MLLT6: variants seen among roughly 807,000 people sequenced by gnomAD.
MLLT6 encodes MLLT6, PHD finger containing, also known as protein AF-17.
MLLT6 carries 22 observed loss-of-function variants against 103.0 expected under a neutral mutation model. The observed-to-expected ratio is 0.21, with a 90% CI of 0.15 to 0.31. The LOEUF is 0.31. Among genes scored for constraint, MLLT6 ranks in the 10% least tolerant of loss-of-function variants. MLLT6 has a pLI of 1.00. For synonymous variants in MLLT6, 606 were observed against 623.5 expected, an observed-to-expected ratio of 0.97 and a Z score of 0.42; for missense variants, 1,199 against 1,441.7, an observed-to-expected ratio of 0.83 and a Z score of 2.73.
chr17:38,714,093 G>T (rs1905234825), intron 8 of MLLT6: 1 of 152,170 alleles, frequency 6.6e-6, no homozygotes, highest in African/African-American at 2.4e-5. Context: ...GAGATGGAGG[G>T]GCATATGGAG....
In MLLT6 at chr17:38,724,053, T is replaced by C. The variant is rs1375993170; in HGVS notation, c.2884-567T>C. Among the ~76,000 whole-genome samples, 1 of 152,094 alleles carries C rather than the reference T, an allele frequency of 6.6e-6. No homozygotes were observed. Among genetic ancestry groups the C allele is most frequent in the Non-Finnish European group, 1.5e-5 (1 of 68,016 alleles). ...CCACCGTGTCCGGCGAATTGAAAAC[T>C]ATTGACCTAGTCAGTAGTTTTGGCG... is the stretch of plus-strand genomic sequence containing the variant. On this transcript the variant is annotated intron_variant, in intron 18 of 19. Transcript: ENST00000621332. This position sits in a 1 kb window ranked among gnomAD's most constrained non-coding sequence, Gnocchi z 5.4.
Position 38,726,498 on chromosome 17 carries a change from A to G in MLLT6, c.*900A>G, listed in dbSNP as rs925679827. On this transcript the variant is annotated 3_prime_UTR_variant, in exon 20 of 20. Transcript: ENST00000621332. The stretch of plus-strand genomic sequence containing the variant: ...AGCAGCGCCAGAGAGGGGACCTCCC[A>G]GCTCTTATTTGCACCCTCCCCACCT... The G allele has an allele frequency of 4.3e-5, 10 of 233,606 alleles. No individual in the cohort carries two copies. The highest frequency in any genetic ancestry group is 1.8e-4 in the South Asian group (1 of 5,536). 14.5% of individuals were successfully genotyped at this position (233,606 alleles called of 1,614,324 possible).
At position 38,725,689 on chromosome 17, in the gene MLLT6, C is replaced by T. The variant is rs1317552189; in HGVS notation, c.*91C>T. ...CCTGGAGCAGGCGCCTGCGCCCAGA[C>T]CCTGGAGAGCCTTGACCCAGAGCCT... On this transcript the variant is annotated 3_prime_UTR_variant, in exon 20 of 20. Coordinates refer to ENST00000621332, the MANE Select transcript of MLLT6 (RefSeq NM_005937.4). 1.7e-5 allele frequency: 19 copies of T among 1,123,562 alleles called. No individual in the cohort carries two copies. In the East Asian group the frequency reaches 4.7e-4, roughly 28 times the overall value. The allele number at this position is 1,123,562 out of a possible 1,614,324, so 69.6% of individuals were successfully genotyped here.
intron 1 of MLLT6, chr17:38,706,168 A>C (rs1904916472): frequency 6.6e-6 from 1 of 151,854 alleles, no homozygotes; most frequent in South Asian, 2.1e-4. Context: ...GGACTTGGAA[A>C]GGGAAGAGAA....
rs778858232 is a variant in MLLT6 at position 38,719,740 on chromosome 17, C to T, written c.2010-10C>T. ...CGGGTCGACTGAACCCAGGTTCCCT[C>T]TGGCCGCAGGTCCCCCATCAGCAGC... On this transcript the variant is annotated splice_polypyrimidine_tract_variant and intron_variant, in intron 13 of 19. Transcript: ENST00000621332. The T allele has an allele frequency of 6.2e-7, 1 of 1,604,840 alleles. No homozygotes were observed. The highest frequency in any genetic ancestry group is 8.5e-7 in the Non-Finnish European group (1 of 1,174,060).
At chr17:38,719,699 A>AG (rs1365090472) in intron 13 of MLLT6, 51 bp from the exon 14 acceptor site, 20 of 1,584,916 alleles carry the variant, frequency 1.3e-5, no homozygotes, top group Non-Finnish European at 1.7e-5. Flanking sequence ...GAAGGGCCAG[A>AG]GGAGCCTGGA....
chr17:38,724,876 C>T lies in MLLT6; in HGVS notation c.3140C>T (p.Ala1047Val), dbSNP rs753308429. Residue 1047 changes from alanine to valine, a missense_variant, in exon 19 of 20, where the codon GCA becomes GTA. This residue lies in a region of MLLT6 where 55 missense variants were observed against 93.3 expected (regional missense o/e 0.59). Coordinates refer to ENST00000621332, the MANE Select transcript of MLLT6 (RefSeq NM_005937.4). This position sits in a 1 kb window ranked among gnomAD's most constrained non-coding sequence, Gnocchi z 5.4. ...SLMAAAAAAAAVAAAGGPPVL... is the reference protein window; with the variant it reads ...SLMAAAAAAAVVAAAGGPPVL... ...ATGGCCGCAGCAGCTGCAGCTGCAG[C>T]AGTAGCAGCAGCAGGCGGACCTCCA... The T allele has an allele frequency of 1.9e-6, 3 of 1,561,566 alleles. No individual in the cohort carries two copies. In the Admixed American group the frequency reaches 5.7e-5, roughly 30 times the overall value.
chr17:38,720,345 C>G lies in MLLT6; in HGVS notation c.2156-27C>G. On this transcript the variant is annotated intron_variant, in intron 14 of 19. Coordinates refer to ENST00000621332, the MANE Select transcript of MLLT6 (RefSeq NM_005937.4). ...GCCCCGCCTCCGCCCCCTCGCCCCT[C>G]CCTCAGGTTCCTCGCTCTCTCCGCA... 1.3e-6 allele frequency: 2 copies of G among 1,563,408 alleles called. 1 individual carries two copies. Among genetic ancestry groups the G allele is most frequent in the South Asian group, 2.3e-5 (2 of 88,472 alleles).
At chr17:38,717,354 G>C in intron 10 of MLLT6, 78 bp from the exon 11 acceptor site, 1 of 1,199,792 alleles carries the variant, frequency 8.3e-7, no homozygotes. Context: ...AGCTGGGGAG[G>C]GGCTGTCAGC....
rs1027309035 is a variant in MLLT6, at chr17:38,712,172, G to A, written c.720+158G>A. 2.2e-5 allele frequency: 21 copies of A among 949,878 alleles called. No homozygotes were observed. In the African/African-American group the frequency reaches 3.7e-4, roughly 17 times the overall value. 58.8% of individuals were successfully genotyped at this position (949,878 alleles called of 1,614,324 possible). ...GGCAGGAGGGGGCTGAAATGAAACG[G>A]TGGGGGGGTGAGGCGGGAGCTTGGC... On this transcript the variant is annotated intron_variant, in intron 7 of 19. Coordinates refer to ENST00000621332, the MANE Select transcript of MLLT6 (RefSeq NM_005937.4).
Position 38,719,525 on chromosome 17 carries a change from C to G in MLLT6, c.1951C>G (p.Leu651Val), listed in dbSNP as rs754218484. 6.2e-7 allele frequency: 1 copy of G among 1,610,696 alleles called. No individual in the cohort carries two copies. The highest frequency in any genetic ancestry group is 1.3e-5 in the African/African-American group (1 of 74,914). Residue 651 changes from leucine to valine, a missense_variant, in exon 13 of 20, where the codon CTG becomes GTG. By Grantham distance (32) the Leu-to-Val change is conservative (BLOSUM62 1). This residue lies in a region of MLLT6 where 1,034 missense variants were observed against 1,091.5 expected (regional missense o/e 0.95). Coordinates refer to ENST00000621332, the MANE Select transcript of MLLT6 (RefSeq NM_005937.4). ...QAESSHTEPD[L>V]EDCSFRCRGT... ...CCTTCCCTTCTTCCAAGAGCCAGAC[C>G]TGGAGGACTGCAGCTTCCGGTGTCG...
chr17:38,709,476 G>C lies in MLLT6; in HGVS notation c.459-6G>C, dbSNP rs755958803. 1 of 1,613,528 alleles carries C rather than the reference G, an allele frequency of 6.2e-7. No individual in the cohort carries two copies. The highest frequency in any genetic ancestry group is 2.2e-5 in the East Asian group (1 of 44,880). ...TCAGCCGTCTCAGGCTGCCTTCTCT[G>C]GTTAGTGCCCAAATGGCAGGCTTGC... On this transcript the variant is annotated splice_polypyrimidine_tract_variant and splice_region_variant and intron_variant, in intron 5 of 19. Transcript: ENST00000621332. The surrounding 1 kb of genome is among the most constrained non-coding windows in gnomAD (Gnocchi z 4.3).
At position 38,726,371 on chromosome 17, in the gene MLLT6, ATGTGTGTGTGTGTGTGTG is replaced by A. The variant is rs370611684; in HGVS notation, c.*787_*804del. ...AGTGTGTGAGTGTGTGTGTGCGTGC[ATGTGTGTGTGTGTGTGTG>A]TGTGTGTGTGTGTCTGTCTGCCTGT... On this transcript the variant is annotated 3_prime_UTR_variant, in exon 20 of 20. Coordinates refer to ENST00000621332, the MANE Select transcript of MLLT6 (RefSeq NM_005937.4). The A allele has an allele frequency of 5.1e-6, 1 of 196,978 alleles. No homozygotes were observed. Among genetic ancestry groups the A allele is most frequent in the African/African-American group, 2.4e-5 (1 of 42,036 alleles). The allele number at this position is 196,978 out of a possible 1,614,324, so 12.2% of individuals were successfully genotyped here. A position where few individuals can be genotyped will look rare whatever the true frequency, so the allele number is the denominator to read the frequency against.
At chr17:38,719,646 A>ACGGAGAGAC (rs1017326167) in intron 13 of MLLT6, 63 bp downstream of exon 13, 4 of 1,569,862 alleles carry the variant, frequency 2.5e-6, no homozygotes, top group Non-Finnish European at 3.5e-6. Context: ...GGGAGGAGGG[A>ACGGAGAGAC]CGGAGAGACC....
Position 38,724,712 on chromosome 17 carries a change from C to A in MLLT6, c.2976C>A (p.Pro992=). 1 of 1,612,972 alleles carries A rather than the reference C, an allele frequency of 6.2e-7. No homozygotes were observed. The highest frequency in any genetic ancestry group is 8.5e-7 in the Non-Finnish European group (1 of 1,179,802). The change falls in exon 19 of 20, where the codon CCC becomes CCA. Residue 992 remains proline, a synonymous_variant. Coordinates refer to ENST00000621332, the MANE Select transcript of MLLT6 (RefSeq NM_005937.4). This position sits in a 1 kb window ranked among gnomAD's most constrained non-coding sequence, Gnocchi z 5.4. ...AGATGGCTGGGGGCTCCCAGCTGCC[C>A]ATGGCCAGCCTGCTGGCAGGAAGCT... The part of the protein sequence containing the change: ...RLQMAGGSQL[P]MASLLAGSST...
Position 38,719,594 on chromosome 17 carries a change from G to A in MLLT6, c.2009+11G>A, listed in dbSNP as rs1369040426. ...GAGTCTGTCTTCCATGTGAGGGAAG[G>A]GGCAGCCTGGAGGAGGGGCTGGGGG... On this transcript the variant is annotated intron_variant, in intron 13 of 19. Transcript: ENST00000621332. 1 of 1,600,148 alleles carries A rather than the reference G, an allele frequency of 6.2e-7. No homozygotes were observed. Among genetic ancestry groups the A allele is most frequent in the Non-Finnish European group, 8.5e-7 (1 of 1,172,496 alleles).
chr17:38,708,065 G>A, intron 4 of MLLT6, 193 bp downstream of exon 4: 1 of 586,912 alleles, frequency 1.7e-6, no homozygotes, highest in Non-Finnish European at 3.1e-6. Flanking sequence ...AGGTGAAATA[G>A]TAGGCTCCCC....
intron 17 of MLLT6, 66 bp from the exon 18 acceptor site, chr17:38,722,612 G>A (rs896762231): frequency 1.2e-5 from 10 of 858,726 alleles, no homozygotes; most frequent in African/African-American, 1.7e-5. Flanking sequence ...AGGAGCAGGA[G>A]TGTTTCCCTG....
At chr17:38,719,479 ACTC>A (rs1905550553) in intron 12 of MLLT6, 35 bp from the exon 13 acceptor site, 2 of 1,560,928 alleles carry the variant, frequency 1.3e-6, no homozygotes, top group African/African-American at 1.4e-5. Context: ...GGCAGCTACC[ACTC>A]CTCCACGCTG....
Sources: gnomAD v4.1 joint callset for allele counts (sites outside exome capture counted in the v4.1 genomes callset) on GRCh38, gnomAD v4.1.1 for gene constraint, gnomAD v4.1.1 regional missense constraint, Gnocchi (gnomAD v3.1) non-coding constraint, MANE v1.5 for transcripts, NCBI Gene and HGNC (gene_info 2026-07-23, HGNC 2026-07-21) for gene names.